Variants in RAB3IL1 observed in about 807,000 individuals in gnomAD.
The protein encoded by RAB3IL1 is RAB3A interacting protein like 1.
Under a neutral mutation model 49.2 loss-of-function variants are expected in RAB3IL1, and 37 were observed. That is an observed-to-expected ratio of 0.75 (90% CI 0.58 to 0.99). The LOEUF is 0.99. Among genes scored for constraint, RAB3IL1 ranks in the 50% least tolerant of loss-of-function variants. The probability of loss-of-function intolerance (pLI) is 0.00; values close to 1 mark genes in which losing one functional copy is unlikely to be tolerated. For missense variants in RAB3IL1, 484 were observed against 513.0 expected, an observed-to-expected ratio of 0.94 and a Z score of 0.55; for synonymous variants, 193 against 213.9, an observed-to-expected ratio of 0.90 and a Z score of 0.85.
At chr11:61,901,037 C>T (rs1240826075) in intron 8 of RAB3IL1, among the ~76,000 whole-genome samples, 1 of 152,122 alleles carries the variant, frequency 6.6e-6, no homozygotes, top group Non-Finnish European at 1.5e-5. Flanking sequence ...AAGGCTCAGC[C>T]TCCCTTTTGG....
At chr11:61,930,076 AG>A in the RAB3IL1 span, among the ~76,000 whole-genome samples, 4 of 151,310 alleles carry the variant, frequency 2.6e-5, no homozygotes, top group Admixed American at 2.6e-4. Flanking sequence ...TTGTGGTTTT[AG>A]TAGAGGCAGG....
chr11:61,946,099 C>A, the RAB3IL1 span, among the ~76,000 whole-genome samples: 1 of 152,182 alleles, frequency 6.6e-6, no homozygotes, highest in Non-Finnish European at 1.5e-5. Flanking sequence ...TCCCCCAGCA[C>A]CCCTGTCCAG....
At chr11:61,903,360 CTT>C (rs2136027808) in intron 7 of RAB3IL1, among the ~76,000 whole-genome samples, 1 of 152,324 alleles carries the variant, frequency 6.6e-6, no homozygotes, top group African/African-American at 2.4e-5. Flanking sequence ...AACCCATCAT[CTT>C]TCTCTCTTGC....
intron 1 of RAB3IL1, among the ~76,000 whole-genome samples, 166 bp from the exon 2 acceptor site, chr11:61,908,472 T>C (rs1939317835): frequency 6.6e-6 from 1 of 152,220 alleles, no homozygotes; most frequent in South Asian, 2.1e-4. Flanking sequence ...CAAGGGCAAA[T>C]GTCCAAGCAC....
the RAB3IL1 span, among the ~76,000 whole-genome samples, chr11:61,930,108 C>A: frequency 1.3e-5 from 2 of 151,506 alleles, no homozygotes; most frequent in Admixed American, 6.6e-5. Flanking sequence ...GTTGCCCAGG[C>A]TGGTCTCAAA....
At chr11:61,934,329 C>T in the RAB3IL1 span, among the ~76,000 whole-genome samples, 1 of 130,152 alleles carries the variant, frequency 7.7e-6, no homozygotes, top group Non-Finnish European at 1.7e-5. Flanking sequence ...TACACACACA[C>T]ACACACACAC....
chr11:61,898,921 T>C lies in RAB3IL1; in HGVS notation c.1066+393A>G. On this transcript the variant is annotated intron_variant, in intron 9 of 9. Transcript: ENST00000394836. The surrounding 1 kb of genome is among the most constrained non-coding windows in gnomAD (Gnocchi z 5.1). ...GGTGGAGGAGCGGGGAGCCAGGCCT[T>C]GCAGAATGGGCTGTGGGGGGAGGGG... The C allele has an allele frequency of 2.1e-6, 1 of 473,450 alleles. No homozygotes were observed. Among genetic ancestry groups the C allele is most frequent in the Non-Finnish European group, 4.2e-6 (1 of 240,606 alleles). The allele number at this position is 473,450 out of a possible 1,614,324, so 29.3% of individuals were successfully genotyped here.
At chr11:61,910,496 C>CT (rs1939411009) in intron 1 of RAB3IL1, among the ~76,000 whole-genome samples, 1 of 152,194 alleles carries the variant, frequency 6.6e-6, no homozygotes, top group African/African-American at 2.4e-5. Context: ...GAGAATGCTA[C>CT]TGAAATTTTC....
At chr11:61,938,248 C>T in the RAB3IL1 span, among the ~76,000 whole-genome samples, 1 of 151,988 alleles carries the variant, frequency 6.6e-6, no homozygotes, top group East Asian at 1.9e-4. Flanking sequence ...AACAAACAAA[C>T]AAAAAAACCT....
In RAB3IL1 at chr11:61,906,704, T is replaced by C. The variant is rs761576927; in HGVS notation, c.439-20A>G. ...GTCGATCTGCATGGGATGGGATGGC[T>C]GTCAACCCTCACCCAGACTGGATGC... On this transcript the variant is annotated intron_variant, in intron 4 of 9. Coordinates refer to ENST00000394836, the MANE Select transcript of RAB3IL1 (RefSeq NM_013401.4). This position sits in a 1 kb window ranked among gnomAD's most constrained non-coding sequence, Gnocchi z 4.6. 19 of 1,590,060 alleles carry C rather than the reference T, an allele frequency of 1.2e-5. No homozygotes were observed. The highest frequency in any genetic ancestry group is 1.6e-5 in the Non-Finnish European group (19 of 1,167,996).
chr11:61,898,099 C>T lies in RAB3IL1; in HGVS notation c.*179G>A, dbSNP rs983879440. On this transcript the variant is annotated 3_prime_UTR_variant, in exon 10 of 10. Coordinates refer to ENST00000394836, the MANE Select transcript of RAB3IL1 (RefSeq NM_013401.4). The surrounding 1 kb of genome is among the most constrained non-coding windows in gnomAD (Gnocchi z 5.1). ...GGGGGTCTTGCCGTGAAGTCCAGGC[C>T]CGTCTGTCCCAGGATGGACGTGTGG... The T allele has an allele frequency of 3.1e-6, 2 of 635,208 alleles. No individual in the cohort carries two copies. The highest frequency in any genetic ancestry group is 3.7e-5 in the African/African-American group (2 of 54,474). 39.3% of individuals were successfully genotyped at this position (635,208 alleles called of 1,614,324 possible). A position where few individuals can be genotyped will look rare whatever the true frequency, so the allele number is the denominator to read the frequency against.
chr11:61,901,886 T>C (rs374343279), intron 8 of RAB3IL1, among the ~76,000 whole-genome samples: 2 of 152,228 alleles, frequency 1.3e-5, no homozygotes, highest in African/African-American at 4.8e-5. Context: ...GACTCCAACA[T>C]GGGGAACTGC....
At chr11:61,927,005 C>G in the RAB3IL1 span, among the ~76,000 whole-genome samples, 16 of 152,114 alleles carry the variant, frequency 1.1e-4, no homozygotes, top group African/African-American at 3.6e-4. Flanking sequence ...CACTATGCCC[C>G]GCTAATTTTT....
the RAB3IL1 span, among the ~76,000 whole-genome samples, chr11:61,944,220 C>CTCCCTCCT: frequency 5.4e-5 from 2 of 36,998 alleles, no homozygotes; most frequent in Non-Finnish European, 2.7e-4. Context: ...CCTTCCTTCC[C>CTCCCTCCT]TCCTTCCTTC....
upstream of RAB3IL1, chr11:61,920,388 T>C: frequency 3.0e-6 from 2 of 664,104 alleles, no homozygotes; most frequent in Non-Finnish European, 4.2e-6. Flanking sequence ...CTGTGGCTCC[T>C]CAGGCAGCAG....
intron 1 of RAB3IL1, 41 bp downstream of exon 1, chr11:61,917,316 G>A (rs1446603685): frequency 7.4e-7 from 1 of 1,343,404 alleles, no homozygotes; most frequent in South Asian, 1.8e-5. Flanking sequence ...GGCGACCGCG[G>A]CCCAGACCCA....
At chr11:61,942,874 A>G in the RAB3IL1 span, among the ~76,000 whole-genome samples, 1 of 152,244 alleles carries the variant, frequency 6.6e-6, no homozygotes, top group African/African-American at 2.4e-5. Flanking sequence ...AAGAATACCT[A>G]AATAAATGAA....
chr11:61,944,581 C>T, the RAB3IL1 span, among the ~76,000 whole-genome samples: 5 of 152,090 alleles, frequency 3.3e-5, no homozygotes. Context: ...GAAAAAAGGA[C>T]GATGCTCCCG....
chr11:61,917,402 A>G lies in RAB3IL1; in HGVS notation c.-35T>C, dbSNP rs1299972035. 1.1e-5 allele frequency: 14 copies of G among 1,223,606 alleles called. No homozygotes were observed. In the East Asian group the frequency reaches 4.0e-4, roughly 35 times the overall value. 75.8% of individuals were successfully genotyped at this position (1,223,606 alleles called of 1,614,324 possible). ...TCGGGGCGCCCAGGCGTCCGTTCCC[A>G]GCGCCGCCGCGTCCTCCCAGCGCCG... On this transcript the variant is annotated 5_prime_UTR_variant, in exon 1 of 10. Transcript: ENST00000394836.
Sources: gnomAD v4.1 joint callset for allele counts (sites outside exome capture counted in the v4.1 genomes callset) on GRCh38, gnomAD v4.1.1 for gene constraint, Gnocchi (gnomAD v3.1) non-coding constraint, MANE v1.5 for transcripts, NCBI Gene and HGNC (gene_info 2026-07-23, HGNC 2026-07-21) for gene names.